CACNG4: variants seen among roughly 807,000 people sequenced by gnomAD.
CACNG4 encodes voltage-dependent calcium channel gamma-4 subunit.
CACNG4 carries 8 observed loss-of-function variants against 22.9 expected under a neutral mutation model. The ratio of observed to expected loss-of-function variants is 0.35; its 90% CI spans 0.21 to 0.63. The LOEUF is 0.63. Among genes scored for constraint, CACNG4 ranks in the 30% least tolerant of loss-of-function variants. The pLI, the probability that CACNG4 is intolerant of heterozygous loss-of-function variation, is 0.72. For synonymous variants in CACNG4, 188 were observed against 191.9 expected (o/e 0.98, Z 0.17); for missense variants, 357 against 455.4 (o/e 0.78, Z 1.97).
chr17:67,011,780 ATCTT>A (rs1395922503), intron 1 of CACNG4, among the ~76,000 whole-genome samples: 3 of 152,186 alleles, frequency 2.0e-5, no homozygotes, highest in African/African-American at 7.2e-5. Flanking sequence ...ACTCAGTATC[ATCTT>A]CTACTTGCCC....
intron 1 of CACNG4, among the ~76,000 whole-genome samples, chr17:66,985,953 AGAAG>A (rs1177094883): frequency 5.7e-4 from 82 of 144,696 alleles, no homozygotes; most frequent in African/African-American, 2.2e-3. Context: ...GAAAAAAAAA[AGAAG>A]AAGAAGAAGA....
chr17:66,999,215 T>C (rs2035392550), intron 1 of CACNG4, among the ~76,000 whole-genome samples: 2 of 152,214 alleles, frequency 1.3e-5, no homozygotes, highest in Middle Eastern at 3.4e-3. Flanking sequence ...ATGAAGTACA[T>C]AGAACGGCGA....
At chr17:67,006,709 G>A (rs2035440123) in intron 1 of CACNG4, among the ~76,000 whole-genome samples, 2 of 152,132 alleles carry the variant, frequency 1.3e-5, no homozygotes, top group African/African-American at 4.8e-5. Flanking sequence ...CCCCAGCTAG[G>A]TCATAAGCTC....
chr17:66,987,536 A>T (rs1429723365), intron 1 of CACNG4, among the ~76,000 whole-genome samples: 1 of 152,184 alleles, frequency 6.6e-6, no homozygotes, highest in Non-Finnish European at 1.5e-5. Flanking sequence ...GTGATGGAAG[A>T]GCTGAGAAGC....
intron 1 of CACNG4, among the ~76,000 whole-genome samples, chr17:66,970,697 C>A (rs1208760423): frequency 6.6e-6 from 1 of 152,164 alleles, no homozygotes. Context: ...TCATCTAAAC[C>A]TAATCACTTC....
At chr17:66,968,904 C>G (rs1413849632) in intron 1 of CACNG4, among the ~76,000 whole-genome samples, 2 of 150,280 alleles carry the variant, frequency 1.3e-5, no homozygotes, top group Non-Finnish European at 3.0e-5. Context: ...TCTCTTTTTT[C>G]TCTCCTTCCA....
intron 1 of CACNG4, among the ~76,000 whole-genome samples, chr17:67,001,873 TGG>T (rs776415539): frequency 4.6e-5 from 7 of 152,196 alleles, no homozygotes; most frequent in Non-Finnish European, 8.8e-5. Flanking sequence ...TTGGGTGCCA[TGG>T]GGCTTGGGAT....
intron 1 of CACNG4, among the ~76,000 whole-genome samples, chr17:66,966,572 G>A (rs2035172388): frequency 1.3e-5 from 2 of 152,170 alleles, no homozygotes; most frequent in Admixed American, 6.5e-5. Flanking sequence ...GCTTTGTGAA[G>A]CTGGATCTGC....
At chr17:66,969,540 C>T (rs1017379793) in intron 1 of CACNG4, among the ~76,000 whole-genome samples, 4 of 152,158 alleles carry the variant, frequency 2.6e-5, no homozygotes, top group African/African-American at 7.2e-5. Flanking sequence ...GTCATGTTCA[C>T]GTGTCTCACC....
chr17:67,017,658 T>C (rs573162818), intron 1 of CACNG4, among the ~76,000 whole-genome samples: 5 of 152,174 alleles, frequency 3.3e-5, no homozygotes, highest in Middle Eastern at 3.4e-3. Context: ...GCTGGGACTA[T>C]AGGCATTCGC....
At chr17:67,028,663 T>C (rs564119520) in intron 3 of CACNG4, among the ~76,000 whole-genome samples, 157 of 152,332 alleles carry the variant, frequency 1.0e-3, no homozygotes, top group Non-Finnish European at 2.0e-3. Context: ...ATCAGCTCAT[T>C]TAATCCTCAC....
At chr17:67,015,573 A>G (rs2035492333) in intron 1 of CACNG4, among the ~76,000 whole-genome samples, 2 of 152,036 alleles carry the variant, frequency 1.3e-5, no homozygotes, top group South Asian at 4.1e-4. Context: ...ACTGCATGTG[A>G]CTCTACAATT....
chr17:67,030,595 T>C lies in CACNG4; in HGVS notation c.575T>C (p.Phe192Ser). The C allele has an allele frequency of 6.2e-7, 1 of 1,614,242 alleles. No homozygotes were observed. ...GWSFYFGALS[F>S]IVAETVGVLA... The stretch of plus-strand genomic sequence containing the variant: ...TCTTTTTACTTTGGAGCTCTGTCTT[T>C]CATTGTGGCTGAGACCGTGGGCGTC... Residue 192 changes from phenylalanine (F) to serine (S), a missense_variant, in exon 4 of 4, where the codon TTC (phenylalanine) becomes TCC (serine). Physicochemically the swap from Phe to Ser is radical, Grantham distance 155. This residue lies in a region of CACNG4 where 240 missense variants were observed against 277.6 expected (regional missense o/e 0.86). Coordinates refer to ENST00000262138, the MANE Select transcript of CACNG4 (RefSeq NM_014405.4). The surrounding 1 kb of genome is among the most constrained non-coding windows in gnomAD (Gnocchi z 6.4).
intron 1 of CACNG4, among the ~76,000 whole-genome samples, chr17:66,979,213 T>C (rs577227624): frequency 6.6e-6 from 1 of 152,352 alleles, no homozygotes; most frequent in African/African-American, 2.4e-5. Flanking sequence ...CTCTCGTCCC[T>C]CTTTCTCTCC....
chr17:66,989,542 G>A (rs1392599477), intron 1 of CACNG4, among the ~76,000 whole-genome samples: 1 of 151,494 alleles, frequency 6.6e-6, no homozygotes, highest in Non-Finnish European at 1.5e-5. Flanking sequence ...AGAACCATTC[G>A]AGGATAAACT....
At chr17:66,966,874 C>G (rs1341481224) in intron 1 of CACNG4, among the ~76,000 whole-genome samples, 1 of 152,198 alleles carries the variant, frequency 6.6e-6, no homozygotes, top group Non-Finnish European at 1.5e-5. Flanking sequence ...ATCACGAACA[C>G]CTACTCCTCT....
chr17:67,005,442 C>T (rs1305460769), intron 1 of CACNG4, among the ~76,000 whole-genome samples: 1 of 152,214 alleles, frequency 6.6e-6, no homozygotes, highest in Non-Finnish European at 1.5e-5. Context: ...CCACCTTCTG[C>T]CCCTCTGAAT....
In CACNG4 at chr17:67,031,453, T is replaced by C; in HGVS notation, c.*449T>C. The C allele has an allele frequency of 4.4e-6, 2 of 459,424 alleles. No homozygotes were observed. Among genetic ancestry groups the C allele is most frequent in the Non-Finnish European group, 4.4e-6 (1 of 228,660 alleles). The allele number at this position is 459,424 out of a possible 1,614,324, so 28.5% of individuals were successfully genotyped here. ...CGCCAAGAAGACGGTCTCTGGGCTC[T>C]TGTCAGCTGCTTTTGAACCTGAGGT... is the stretch of plus-strand genomic sequence containing the variant. On this transcript the variant is annotated 3_prime_UTR_variant, in exon 4 of 4. Coordinates refer to ENST00000262138, the MANE Select transcript of CACNG4 (RefSeq NM_014405.4). The surrounding 1 kb of genome is among the most constrained non-coding windows in gnomAD (Gnocchi z 4.0).
chr17:66,990,269 A>G (rs2143305988), intron 1 of CACNG4, among the ~76,000 whole-genome samples: 1 of 152,360 alleles, frequency 6.6e-6, no homozygotes, highest in East Asian at 1.9e-4. Context: ...GCTCCTGGGA[A>G]CTACCCACAG....
Sources: allele counts gnomAD v4.1 joint callset (sites outside exome capture counted in the v4.1 genomes callset), GRCh38; gene constraint gnomAD v4.1.1; regional missense constraint gnomAD v4.1.1; non-coding constraint Gnocchi (gnomAD v3.1); transcripts MANE v1.5; gene names NCBI Gene and HGNC (gene_info 2026-07-23, HGNC 2026-07-21).